The following COP1 variants were observed in gnomAD, a reference collection of about 807,000 sequenced individuals.
COP1 encodes the protein COP1 E3 ubiquitin ligase, also known as E3 ubiquitin-protein ligase COP1.
Under a neutral mutation model 101.3 loss-of-function variants are expected in COP1, and 24 were observed. That is an observed-to-expected ratio of 0.24 (90% CI 0.17 to 0.33). COP1 has a LOEUF of 0.33. Among genes scored for constraint, COP1 ranks in the 10% least tolerant of loss-of-function variants. The pLI, the probability that COP1 is intolerant of heterozygous loss-of-function variation, is 1.00. For synonymous variants in COP1, 347 were observed against 341.9 expected (o/e 1.01, Z -0.17); for missense variants, 663 against 906.2 (o/e 0.73, Z 3.45).
intron 10 of COP1, among the ~76,000 whole-genome samples, chr1:176,084,632 G>A (rs886841768): frequency 6.6e-6 from 1 of 152,126 alleles, no homozygotes; most frequent in Non-Finnish European, 1.5e-5. Flanking sequence ...CATAAAAACT[G>A]TTTGTTGTTA....
At chr1:176,059,576 G>A (rs140258777) in intron 11 of COP1, among the ~76,000 whole-genome samples, 1,607 of 151,930 alleles carry the variant, frequency 0.011, 11 homozygotes, top group Non-Finnish European at 0.017. Flanking sequence ...TCTGCCTCCT[G>A]GGTTCAAGTG....
At chr1:176,169,023 T>G (rs1246729087) in intron 3 of COP1, among the ~76,000 whole-genome samples, 1 of 152,230 alleles carries the variant, frequency 6.6e-6, no homozygotes, top group Non-Finnish European at 1.5e-5. Context: ...CTAAAATTTT[T>G]TGTGTGACAA....
chr1:175,999,103 T>C (rs1001623639), intron 15 of COP1, among the ~76,000 whole-genome samples: 2 of 152,100 alleles, frequency 1.3e-5, no homozygotes, highest in Admixed American at 6.6e-5. Flanking sequence ...AAAGTAAATG[T>C]AGCATCTAAT....
At chr1:175,965,585 TTTTG>T (rs5778882) in intron 18 of COP1, among the ~76,000 whole-genome samples, 2 of 149,300 alleles carry the variant, frequency 1.3e-5, no homozygotes, top group African/African-American at 4.9e-5. Context: ...TTTGTTTTGT[TTTTG>T]TTTGTTTGTT....
chr1:176,020,311 G>A (rs764764753), intron 15 of COP1, among the ~76,000 whole-genome samples: 2 of 136,760 alleles, frequency 1.5e-5, no homozygotes, highest in Non-Finnish European at 3.1e-5. Context: ...ACTCCATCTC[G>A]GAAAAAAAAA....
At chr1:176,051,838 G>A (rs1672621062) in intron 11 of COP1, among the ~76,000 whole-genome samples, 2 of 152,058 alleles carry the variant, frequency 1.3e-5, no homozygotes, top group South Asian at 4.2e-4. Context: ...ATAGAAAAGG[G>A]TATGAAGAAA....
At chr1:175,996,600 A>T (rs1298314478) in intron 15 of COP1, among the ~76,000 whole-genome samples, 1 of 151,950 alleles carries the variant, frequency 6.6e-6, no homozygotes, top group Non-Finnish European at 1.5e-5. Flanking sequence ...CTTATACACC[A>T]ATAACAGACA....
chr1:176,070,865 C>T (rs1676876879), intron 11 of COP1, among the ~76,000 whole-genome samples: 1 of 152,050 alleles, frequency 6.6e-6, no homozygotes, highest in South Asian at 2.1e-4. Context: ...GCTTCCCAGG[C>T]TGGTTTTGAA....
At chr1:176,000,974 CA>C (rs1392431737) in intron 15 of COP1, among the ~76,000 whole-genome samples, 1 of 152,020 alleles carries the variant, frequency 6.6e-6, no homozygotes, top group African/African-American at 2.4e-5. Flanking sequence ...CTTTCCTCCC[CA>C]ACCTTTGAAA....
At chr1:175,964,794 C>T (rs890970993) in intron 18 of COP1, among the ~76,000 whole-genome samples, 1 of 152,136 alleles carries the variant, frequency 6.6e-6, no homozygotes, top group African/African-American at 2.4e-5. Context: ...AATATCCTTC[C>T]TTAAGTAAAT....
intron 15 of COP1, among the ~76,000 whole-genome samples, chr1:176,026,393 A>G (rs1025912213): frequency 6.6e-6 from 1 of 152,018 alleles, no homozygotes; most frequent in Non-Finnish European, 1.5e-5. Flanking sequence ...TCTTTTTTCC[A>G]TAATCCTCAT....
chr1:176,188,536 G>A (rs1053826539), intron 1 of COP1, among the ~76,000 whole-genome samples: 1 of 152,148 alleles, frequency 6.6e-6, no homozygotes, highest in Non-Finnish European at 1.5e-5. Context: ...ACCCTGTGCT[G>A]AGCGAGTCTG....
chr1:176,058,956 T>G (rs1029422835), intron 11 of COP1, among the ~76,000 whole-genome samples: 5 of 152,228 alleles, frequency 3.3e-5, no homozygotes, highest in African/African-American at 1.2e-4. Context: ...AGTTTCACTC[T>G]GTCAGCCACT....
At chr1:176,123,349 T>C (rs1687455730) in intron 8 of COP1, among the ~76,000 whole-genome samples, 1 of 152,206 alleles carries the variant, frequency 6.6e-6, no homozygotes, top group South Asian at 2.1e-4. Context: ...AAATTTTACA[T>C]TTGTATACAG....
intron 18 of COP1, among the ~76,000 whole-genome samples, chr1:175,981,940 C>A (rs765005987): frequency 6.6e-6 from 1 of 152,172 alleles, no homozygotes; most frequent in East Asian, 1.9e-4. Context: ...AATGAGGTAT[C>A]GCCTCACAAC....
intron 1 of COP1, among the ~76,000 whole-genome samples, chr1:176,202,185 CTTT>C (rs11367274): frequency 8.3e-5 from 8 of 96,386 alleles, no homozygotes; most frequent in Non-Finnish European, 8.7e-5. Context: ...TTCTAGTTCA[CTTT>C]TTTTTTTTTT....
intron 1 of COP1, among the ~76,000 whole-genome samples, chr1:176,198,511 T>C (rs1266359243): frequency 1.3e-5 from 2 of 152,074 alleles, no homozygotes; most frequent in Non-Finnish European, 1.5e-5. Context: ...TAGTAGAAAA[T>C]ATACAAGAGA....
Position 176,027,643 on chromosome 1 carries a change from T to A in COP1, c.1658A>T (p.Glu553Val). The change falls in exon 15 of 20, where the codon GAG (glutamate) becomes GTG (valine). Residue 553 changes from glutamate (E) to valine (V), a missense_variant. Around this residue, in one of 4 missense-constraint regions of COP1, gnomAD observed 209 missense variants for 383.3 expected, o/e 0.55. Transcript: ENST00000367669. ...TNLDNSVASI[E>V]AKANVCCVKF... Reference sequence around the variant, plus strand: ...AACACAGCACACATTAGCCTTTGCCTCAATGCTTGCCACTGAGTTGTCTAG... The same window carrying A: ...AACACAGCACACATTAGCCTTTGCCACAATGCTTGCCACTGAGTTGTCTAG... The A allele has an allele frequency of 6.2e-7, 1 of 1,613,792 alleles. No individual in the cohort carries two copies. The highest frequency in any genetic ancestry group is 8.5e-7 in the Non-Finnish European group (1 of 1,179,776).
At chr1:175,957,720 A>G (rs1443090219) in intron 18 of COP1, among the ~76,000 whole-genome samples, 1 of 152,234 alleles carries the variant, frequency 6.6e-6, no homozygotes, top group African/African-American at 2.4e-5. Flanking sequence ...AGTCACATAA[A>G]CACTTATTTA....
Sources: gnomAD v4.1 joint callset for allele counts (sites outside exome capture counted in the v4.1 genomes callset) on GRCh38, gnomAD v4.1.1 for gene constraint, gnomAD v4.1.1 regional missense constraint, MANE v1.5 for transcripts, NCBI Gene and HGNC (gene_info 2026-07-23, HGNC 2026-07-21) for gene names.